HNRNPM: variants seen among roughly 807,000 people sequenced by gnomAD.
The protein encoded by HNRNPM is CEA receptor.
In HNRNPM, 11 loss-of-function variants were observed where a neutral mutation model predicts 73.1. The ratio of observed to expected loss-of-function variants is 0.15; its 90% CI spans 0.09 to 0.25. The LOEUF is 0.25. Among genes scored for constraint, HNRNPM ranks in the 10% least tolerant of loss-of-function variants. The pLI, the probability that HNRNPM is intolerant of heterozygous loss-of-function variation, is 1.00. For synonymous variants in HNRNPM, 407 were observed against 355.2 expected (o/e 1.15, Z -1.64); for missense variants, 789 against 1,067.9 (o/e 0.74, Z 3.64).
rs760882501 is a variant in HNRNPM at position 8,483,201 on chromosome 19, G to A, written c.1164G>A (p.Lys388=). 3.1e-6 allele frequency: 5 copies of A among 1,612,362 alleles called. No homozygotes were observed. The highest frequency in any genetic ancestry group is 1.7e-5 in the Admixed American group (1 of 59,890). The change falls in exon 13 of 16, where the codon AAG becomes AAA. Residue 388 remains lysine, a synonymous_variant. Coordinates refer to ENST00000325495, the MANE Select transcript of HNRNPM (RefSeq NM_005968.5). ...TGAAGAGAGGAGAGATCATTGCAAA[G>A]CAGGGAGGAGGTAGGAACCGCTTAG... ...NALKRGEIIA[K]QGGGGGGGSV...
chr19:8,467,140 C>G (rs1390031055), intron 7 of HNRNPM, among the ~76,000 whole-genome samples: 5 of 152,090 alleles, frequency 3.3e-5, no homozygotes, highest in Non-Finnish European at 7.4e-5. Context: ...GAGAGTACCC[C>G]ACAGGAGCAC....
intron 6 of HNRNPM, among the ~76,000 whole-genome samples, chr19:8,465,739 G>A (rs1969699354): frequency 6.6e-6 from 1 of 152,158 alleles, no homozygotes; most frequent in Non-Finnish European, 1.5e-5. Context: ...AGTTTCGCAG[G>A]TGTTTCCGCA....
At chr19:8,482,671 T>G (rs553467016) in intron 12 of HNRNPM, 3 of 151,494 alleles carry the variant, frequency 2.0e-5, no homozygotes, top group African/African-American at 7.4e-5. Flanking sequence ...TAATGAGAGG[T>G]GCCTCTGGGT....
intron 2 of HNRNPM, among the ~76,000 whole-genome samples, chr19:8,458,419 C>A (rs551266670): frequency 5.3e-5 from 8 of 152,306 alleles, no homozygotes; most frequent in Admixed American, 5.2e-4. Context: ...TGAGAAAAGG[C>A]GATCTTAGGC....
At chr19:8,461,541 G>A (rs1969397299) in intron 2 of HNRNPM, among the ~76,000 whole-genome samples, 1 of 152,084 alleles carries the variant, frequency 6.6e-6, no homozygotes, top group Non-Finnish European at 1.5e-5. Context: ...CAGCCATTTT[G>A]GTGGTTGTCT....
chr19:8,487,129 A>G, intron 15 of HNRNPM, 54 bp downstream of exon 15: 1 of 1,465,560 alleles, frequency 6.8e-7, no homozygotes, highest in Non-Finnish European at 9.6e-7. Flanking sequence ...TTGGTGACGC[A>G]GCCGAGTCAG....
chr19:8,476,566 TA>T (rs746842195), intron 12 of HNRNPM, among the ~76,000 whole-genome samples: 12 of 38,962 alleles, frequency 3.1e-4, no homozygotes, highest in African/African-American at 4.2e-4. Flanking sequence ...AGATTAATGT[TA>T]AAAAAAAAAA....
At chr19:8,473,511 T>C (rs1568286298) in intron 10 of HNRNPM, among the ~76,000 whole-genome samples, 153 bp from the exon 11 acceptor site, 1 of 152,084 alleles carries the variant, frequency 6.6e-6, no homozygotes, top group Admixed American at 6.6e-5. Context: ...TGGTAAGGGC[T>C]TTTTTTCTTG....
At chr19:8,481,971 T>C (rs1970950388) in intron 12 of HNRNPM, among the ~76,000 whole-genome samples, 1 of 91,670 alleles carries the variant, frequency 1.1e-5, no homozygotes, top group Admixed American at 1.0e-4. Flanking sequence ...TGGTGTCTTT[T>C]TTTTTTTTTT....
chr19:8,473,278 G>A (rs1164429405), intron 10 of HNRNPM, among the ~76,000 whole-genome samples: 1 of 151,854 alleles, frequency 6.6e-6, no homozygotes, highest in Admixed American at 6.6e-5. Context: ...TGCCCGACTG[G>A]GTCATTAAAG....
At chr19:8,474,287 G>T (rs775637094) in intron 12 of HNRNPM, 43 bp downstream of exon 12, 6 of 1,436,426 alleles carry the variant, frequency 4.2e-6, no homozygotes, top group Non-Finnish European at 5.7e-6. Flanking sequence ...ACCCTTTGCC[G>T]GCTGTTGCCT....
chr19:8,454,273 C>CT (rs376246455), intron 1 of HNRNPM, among the ~76,000 whole-genome samples: 4 of 152,288 alleles, frequency 2.6e-5, no homozygotes, highest in African/African-American at 9.6e-5. Context: ...CTCTGTTCTA[C>CT]TTTCTGTGTA....
rs1204987047 is a variant in HNRNPM at position 8,462,676 on chromosome 19, G to T, written c.336+95G>T. On this transcript the variant is annotated intron_variant, in intron 3 of 15. Coordinates refer to ENST00000325495, the MANE Select transcript of HNRNPM (RefSeq NM_005968.5). This position sits in a 1 kb window ranked among gnomAD's most constrained non-coding sequence, Gnocchi z 4.5. ...TCGAATGAAATCAGGAAGGCAGTGA[G>T]TGCTCATGTTACAGTAGCTATGTTT... 9.6e-7 allele frequency: 1 copy of T among 1,040,496 alleles called. No individual in the cohort carries two copies. Among genetic ancestry groups the T allele is most frequent in the Non-Finnish European group, 1.5e-6 (1 of 657,954 alleles). The allele number at this position is 1,040,496 out of a possible 1,614,324, so 64.5% of individuals were successfully genotyped here.
intron 11 of HNRNPM, 150 bp downstream of exon 11, chr19:8,473,858 C>T (rs1970326523): frequency 3.1e-6 from 2 of 640,072 alleles, no homozygotes; most frequent in Admixed American, 6.4e-5. Context: ...GTCCATCCTT[C>T]CAGCGGGTGT....
chr19:8,456,396 C>T (rs761125288), intron 2 of HNRNPM, among the ~76,000 whole-genome samples: 8 of 152,194 alleles, frequency 5.3e-5, no homozygotes, highest in Admixed American at 1.3e-4. Context: ...GCACTTAGGA[C>T]TAAAGAGACT....
chr19:8,451,234 G>A (rs1968598654), intron 1 of HNRNPM, among the ~76,000 whole-genome samples: 2 of 152,010 alleles, frequency 1.3e-5, no homozygotes, highest in South Asian at 4.1e-4. Flanking sequence ...TTAGAGACAG[G>A]TTTCCACCAT....
At chr19:8,447,665 A>G (rs937975138) in intron 1 of HNRNPM, among the ~76,000 whole-genome samples, 2 of 152,120 alleles carry the variant, frequency 1.3e-5, no homozygotes, top group Non-Finnish European at 2.9e-5. Flanking sequence ...TGAGAGGACT[A>G]TTTGAGCTCA....
intron 12 of HNRNPM, among the ~76,000 whole-genome samples, chr19:8,480,802 G>C (rs1281264507): frequency 6.6e-6 from 1 of 152,192 alleles, no homozygotes; most frequent in Non-Finnish European, 1.5e-5. Context: ...CAGAGAGGTG[G>C]ATGTGGGCTT....
chr19:8,468,975 G>T (rs996109358), intron 9 of HNRNPM, 141 bp downstream of exon 9: 10 of 674,376 alleles, frequency 1.5e-5, no homozygotes, highest in African/African-American at 1.3e-4. Flanking sequence ...GATTTTTCAG[G>T]GTGAGAAATG....
Sources: allele counts gnomAD v4.1 joint callset (sites outside exome capture counted in the v4.1 genomes callset), GRCh38; gene constraint gnomAD v4.1.1; non-coding constraint Gnocchi (gnomAD v3.1); transcripts MANE v1.5; gene names NCBI Gene and HGNC (gene_info 2026-07-23, HGNC 2026-07-21).